The following TIAM2 variants were observed in gnomAD, a reference collection of about 807,000 sequenced individuals.
TIAM2 encodes the protein rho guanine nucleotide exchange factor TIAM2.
TIAM2 carries 80 observed loss-of-function variants against 152.9 expected under a neutral mutation model. The observed-to-expected ratio is 0.52, with a 90% confidence interval of 0.44 to 0.63. The LOEUF (loss-of-function observed/expected upper bound fraction) is 0.63, where lower values mean the gene tolerates loss of function less well. Among genes scored for constraint, TIAM2 ranks in the 30% least tolerant of loss-of-function variants. The probability of loss-of-function intolerance (pLI) is 0.00; values close to 1 mark genes in which losing one functional copy is unlikely to be tolerated. For missense variants in TIAM2, 1,965 were observed against 2,120.1 expected, an observed-to-expected ratio of 0.93 and a Z score of 1.44; for synonymous variants, 804 against 838.0, an observed-to-expected ratio of 0.96 and a Z score of 0.70.
intron 14 of TIAM2, among the ~76,000 whole-genome samples, chr6:155,204,932 G>A (rs1781560035): frequency 1.3e-5 from 2 of 152,034 alleles, no homozygotes; most frequent in South Asian, 4.2e-4. Flanking sequence ...CTGATTCCAG[G>A]ATGGCACCTT....
rs759116572 is a variant in TIAM2 at position 155,252,023 on chromosome 6, T to C, written c.4119+20T>C. ...AAATTGGTAAGGCAAAAATTCATTTTAATTTAAGCTACCTTTTCATAGCTG... is the reference window on the plus strand; with the variant it reads ...AAATTGGTAAGGCAAAAATTCATTTCAATTTAAGCTACCTTTTCATAGCTG... On this transcript the variant is annotated intron_variant, in intron 23 of 26. Coordinates refer to ENST00000682666, the MANE Select transcript of TIAM2 (RefSeq NM_012454.4). 2 of 1,569,980 alleles carry C rather than the reference T, an allele frequency of 1.3e-6. No individual in the cohort carries two copies. The highest frequency in any genetic ancestry group is 1.7e-6 in the Non-Finnish European group (2 of 1,147,384).
chr6:154,995,853 C>G lies in TIAM2; in HGVS notation c.-209+361C>G, dbSNP rs540979977. ...ATGGGAGGAGGCGGCGCCCCGGCCT[C>G]CTGATACCGAGGTTCTCGCCCAAAG... is the stretch of plus-strand genomic sequence containing the variant. On this transcript the variant is annotated intron_variant, in intron 1 of 26. Coordinates refer to ENST00000682666, the MANE Select transcript of TIAM2 (RefSeq NM_012454.4). The surrounding 1 kb of genome is among the most constrained non-coding windows in gnomAD (Gnocchi z 5.2). Among the ~76,000 whole-genome samples the G allele has an allele frequency of 7.5e-4, 115 of 152,320 alleles. No individual in the cohort carries two copies. The highest frequency in any genetic ancestry group is 2.6e-3 in the African/African-American group (109 of 41,588).
chr6:155,034,493 G>A lies in TIAM2; in HGVS notation c.-209+39001G>A, dbSNP rs150766245. ...TGGTCTTGAAGTTCTGACCTTAGGTGATCTGCCCACCTTGGCCTCCCAAAG... is the reference window on the plus strand; with the variant it reads ...TGGTCTTGAAGTTCTGACCTTAGGTAATCTGCCCACCTTGGCCTCCCAAAG... On this transcript the variant is annotated intron_variant, in intron 1 of 26. Transcript: ENST00000682666. Among the ~76,000 whole-genome samples the A allele has an allele frequency of 5.9e-3, 901 of 151,994 alleles. 7 individuals are homozygous for A. Among genetic ancestry groups the A allele is most frequent in the African/African-American group, 0.02 (846 of 41,446 alleles).
intron 2 of TIAM2, among the ~76,000 whole-genome samples, chr6:155,108,754 G>C (rs1321362185): frequency 6.6e-6 from 1 of 152,032 alleles, no homozygotes; most frequent in Non-Finnish European, 1.5e-5. Flanking sequence ...TTCTGTCTTG[G>C]TGGTCTGAGA....
At chr6:155,202,224 A>G (rs970893884) in intron 14 of TIAM2, among the ~76,000 whole-genome samples, 2 of 152,140 alleles carry the variant, frequency 1.3e-5, no homozygotes, top group African/African-American at 4.8e-5. Context: ...ATTTCATTTA[A>G]ATGCTTTGTT....
At chr6:155,178,972 G>T (rs1011201392) in intron 10 of TIAM2, 67 bp from the exon 11 acceptor site, 1 of 1,251,252 alleles carries the variant, frequency 8.0e-7, no homozygotes, top group Non-Finnish European at 1.1e-6. Context: ...TTTTTAATAA[G>T]CCTGCTAACC....
chr6:155,006,114 C>T (rs186456764), intron 1 of TIAM2, among the ~76,000 whole-genome samples: 8 of 152,290 alleles, frequency 5.3e-5, no homozygotes, highest in East Asian at 1.9e-4. Flanking sequence ...TGTAGCCCCC[C>T]GGGGTCCTGG....
At chr6:155,033,183 A>G (rs926288551) in intron 1 of TIAM2, among the ~76,000 whole-genome samples, 3 of 152,158 alleles carry the variant, frequency 2.0e-5, no homozygotes, top group African/African-American at 4.8e-5. Flanking sequence ...TGCAGCCATG[A>G]CGGCCCCAGG....
At position 155,093,642 on chromosome 6, in the gene TIAM2, G is replaced by C. The variant is rs143504577; in HGVS notation, c.-118+3263G>C. Among the ~76,000 whole-genome samples, 1,283 of 152,328 alleles carry C rather than the reference G, an allele frequency of 8.4e-3. 12 individuals carry two copies. Among genetic ancestry groups the C allele is most frequent in the Admixed American group, 0.014 (213 of 15,294 alleles). On this transcript the variant is annotated intron_variant, in intron 2 of 26. Transcript: ENST00000682666. Reference sequence around the variant, plus strand: ...TAGAGCTGTGGAAAGATGAGATGGTGCCTCTTTGCAATAGTGAGCGTCTCA... The same window carrying C: ...TAGAGCTGTGGAAAGATGAGATGGTCCCTCTTTGCAATAGTGAGCGTCTCA...
At chr6:155,056,703 T>A (rs1363532705) in intron 1 of TIAM2, among the ~76,000 whole-genome samples, 1 of 152,174 alleles carries the variant, frequency 6.6e-6, no homozygotes, top group Non-Finnish European at 1.5e-5. Flanking sequence ...AGAGTTTCTG[T>A]ATGATCCATA....
At chr6:155,139,276 C>G (rs1248205458) in intron 5 of TIAM2, among the ~76,000 whole-genome samples, 11 of 152,212 alleles carry the variant, frequency 7.2e-5, no homozygotes, top group Admixed American at 6.5e-4. Flanking sequence ...TACCACAAGC[C>G]CCTCTGGCAC....
intron 1 of TIAM2, among the ~76,000 whole-genome samples, chr6:155,049,282 C>T (rs1777270759): frequency 6.6e-6 from 1 of 152,126 alleles, no homozygotes; most frequent in African/African-American, 2.4e-5. Context: ...TGCTTGTCAC[C>T]TTCCTGGGTG....
At chr6:155,142,622 A>G (rs1007635901) in intron 5 of TIAM2, among the ~76,000 whole-genome samples, 1 of 152,220 alleles carries the variant, frequency 6.6e-6, no homozygotes, top group African/African-American at 2.4e-5. Context: ...CTCGATGAGA[A>G]GACTTGGTTT....
chr6:155,195,782 G>A (rs1208261130), intron 14 of TIAM2, among the ~76,000 whole-genome samples: 2 of 152,186 alleles, frequency 1.3e-5, no homozygotes, highest in Non-Finnish European at 2.9e-5. Flanking sequence ...GTCAGGGATG[G>A]GGCCACGTGG....
intron 6 of TIAM2, among the ~76,000 whole-genome samples, chr6:155,145,897 AT>A (rs1189530146): frequency 6.6e-6 from 1 of 152,100 alleles, no homozygotes; most frequent in Admixed American, 6.5e-5. Flanking sequence ...CTGAGATTTG[AT>A]TTTCCTTTTC....
chr6:155,164,133 GTTT>G (rs375238178), intron 7 of TIAM2, among the ~76,000 whole-genome samples: 3 of 118,006 alleles, frequency 2.5e-5, no homozygotes, highest in Admixed American at 1.2e-4. Context: ...TAATTTTTGT[GTTT>G]TTTTTTTTTC....
chr6:155,080,654 C>T (rs756339274), intron 1 of TIAM2, among the ~76,000 whole-genome samples: 2 of 151,928 alleles, frequency 1.3e-5, no homozygotes, highest in Non-Finnish European at 2.9e-5. Flanking sequence ...TGGCTGGTCT[C>T]GAACTCCTGA....
At chr6:155,151,721 T>C (rs766819273) in intron 7 of TIAM2, among the ~76,000 whole-genome samples, 14 of 152,120 alleles carry the variant, frequency 9.2e-5, no homozygotes, top group Non-Finnish European at 4.4e-5. Flanking sequence ...GGAGTGGCAC[T>C]GTGCTGGGTG....
At chr6:155,017,072 A>G (rs1379993403) in intron 1 of TIAM2, among the ~76,000 whole-genome samples, 4 of 152,174 alleles carry the variant, frequency 2.6e-5, no homozygotes, top group African/African-American at 9.7e-5. Flanking sequence ...AGGAACTCAC[A>G]GGCAGGGCTG....
Sources: allele counts gnomAD v4.1 joint callset (sites outside exome capture counted in the v4.1 genomes callset), GRCh38; gene constraint gnomAD v4.1.1; non-coding constraint Gnocchi (gnomAD v3.1); transcripts MANE v1.5; gene names NCBI Gene and HGNC (gene_info 2026-07-23, HGNC 2026-07-21).